The following CHMP5 variants were observed in gnomAD, a reference collection of about 807,000 sequenced individuals.
CHMP5 encodes the protein charged multivesicular body protein 5.
Under a neutral mutation model 33.0 loss-of-function variants are expected in CHMP5, and 17 were observed. The ratio of observed to expected loss-of-function variants is 0.52; its 90% CI spans 0.35 to 0.77. CHMP5 has a LOEUF of 0.77. Among genes scored for constraint, CHMP5 ranks in the 30% least tolerant of loss-of-function variants. CHMP5 has a pLI of 0.01. For missense variants in CHMP5, 216 were observed against 261.5 expected (o/e 0.83, Z 1.20); for synonymous variants, 76 against 90.2 (o/e 0.84, Z 0.89).
intron 4 of CHMP5, 104 bp downstream of exon 4, chr9:33,270,820 G>C: frequency 1.1e-6 from 1 of 938,858 alleles, no homozygotes; most frequent in Non-Finnish European, 1.7e-6. Context: ...AGTGGCTCAC[G>C]CCTGTAATCC....
intron 3 of CHMP5, among the ~76,000 whole-genome samples, chr9:33,268,536 A>G (rs1242749263): frequency 6.6e-6 from 1 of 152,214 alleles, no homozygotes; most frequent in Non-Finnish European, 1.5e-5. Flanking sequence ...AAAGATTGTC[A>G]GTGTCTCTCT....
intron 5 of CHMP5, among the ~76,000 whole-genome samples, chr9:33,275,278 C>A (rs1278491163): frequency 6.6e-6 from 1 of 152,194 alleles, no homozygotes; most frequent in African/African-American, 2.4e-5. Flanking sequence ...TGGAACCAAT[C>A]CCTTGCGTGT....
chr9:33,276,022 A>G (rs1820850469), intron 5 of CHMP5, among the ~76,000 whole-genome samples: 2 of 152,214 alleles, frequency 1.3e-5, no homozygotes, highest in African/African-American at 4.8e-5. Context: ...AAATAAATAA[A>G]TAAAGTAAAA....
intron 7 of CHMP5, among the ~76,000 whole-genome samples, chr9:33,278,688 A>G (rs1239158760): frequency 6.6e-6 from 1 of 151,268 alleles, no homozygotes; most frequent in Non-Finnish European, 1.5e-5. Context: ...TGGATTTTCT[A>G]AACTATGGAT....
intron 1 of CHMP5, 92 bp downstream of exon 1, chr9:33,265,239 A>G: frequency 8.0e-7 from 1 of 1,253,392 alleles, no homozygotes; most frequent in South Asian, 1.2e-5. Context: ...CTTCCACTTC[A>G]TTTCGGGTCC....
At chr9:33,277,837 A>ATT in intron 6 of CHMP5, 1 of 281,740 alleles carries the variant, frequency 3.5e-6, no homozygotes, top group Non-Finnish European at 6.8e-6. Flanking sequence ...AGAACCTTTC[A>ATT]TTTTTTTTCC....
chr9:33,265,981 T>G lies in CHMP5; in HGVS notation c.70-29T>G, dbSNP rs766922765. The G allele has an allele frequency of 3.2e-5, 45 of 1,422,626 alleles. No homozygotes were observed. The East Asian group carries it at 9.4e-4, about 30-fold the overall frequency. 88.1% of individuals were successfully genotyped at this position (1,422,626 alleles called of 1,614,324 possible). On this transcript the variant is annotated intron_variant, in intron 1 of 7. Coordinates refer to ENST00000223500, the MANE Select transcript of CHMP5 (RefSeq NM_016410.6). ...TCTGGAATAAGTGTATTGCAGTAAC[T>G]ACCAGTGCATTTGATATTTTCCCCT...
intron 5 of CHMP5, among the ~76,000 whole-genome samples, chr9:33,274,340 C>T (rs531991297): frequency 2.6e-5 from 4 of 152,274 alleles, no homozygotes; most frequent in African/African-American, 4.8e-5. Context: ...TCCCAGAGTG[C>T]TTGGATTACA....
In CHMP5 at chr9:33,265,164, G is replaced by A. The variant is rs1356541033; in HGVS notation, c.69+17G>A. On this transcript the variant is annotated intron_variant, in intron 1 of 7. Coordinates refer to ENST00000223500, the MANE Select transcript of CHMP5 (RefSeq NM_016410.6). The stretch of plus-strand genomic sequence containing the variant: ...ATTGGCACGGTGGGCATTTGATCAT[G>A]CATAAGTAGGCTCAGGACCTCTGAC... The A allele has an allele frequency of 6.2e-7, 1 of 1,613,452 alleles. No homozygotes were observed. The highest frequency in any genetic ancestry group is 2.2e-5 in the East Asian group (1 of 44,870).
At chr9:33,271,517 C>T (rs1419010974) in intron 5 of CHMP5, among the ~76,000 whole-genome samples, 1 of 152,178 alleles carries the variant, frequency 6.6e-6, no homozygotes, top group Non-Finnish European at 1.5e-5. Flanking sequence ...CTTTGAGTAT[C>T]CACGTAACCA....
chr9:33,270,437 C>T (rs951155317), intron 3 of CHMP5, among the ~76,000 whole-genome samples, 186 bp from the exon 4 acceptor site: 3 of 152,184 alleles, frequency 2.0e-5, no homozygotes, highest in African/African-American at 7.2e-5. Flanking sequence ...TGGAGGGACA[C>T]ATCAAATGAT....
intron 3 of CHMP5, among the ~76,000 whole-genome samples, chr9:33,270,318 A>C (rs1262333256): frequency 4.6e-5 from 7 of 152,198 alleles, no homozygotes. Flanking sequence ...GGTTTGTGTA[A>C]ATACATTGTC....
At chr9:33,267,758 A>G in intron 2 of CHMP5, 95 bp from the exon 3 acceptor site, 2 of 770,026 alleles carry the variant, frequency 2.6e-6, no homozygotes, top group Middle Eastern at 2.4e-4. Flanking sequence ...TGAAGAAGAG[A>G]GGAAGTAGGC....
chr9:33,280,676 A>T lies in CHMP5; in HGVS notation c.610-133A>T, dbSNP rs1820911288. On this transcript the variant is annotated intron_variant, in intron 7 of 7. Transcript: ENST00000223500. ...ACCTTTCATGAAAAAGCTTGTTCTC[A>T]TCTTATGACTGCGATTTTGGTTTTG... is the stretch of plus-strand genomic sequence containing the variant. 8 of 727,598 alleles carry T rather than the reference A, an allele frequency of 1.1e-5. No individual in the cohort carries two copies. The South Asian group carries it at 1.7e-4, about 16-fold the overall frequency. 45.1% of individuals were successfully genotyped at this position (727,598 alleles called of 1,614,324 possible).
chr9:33,265,813 C>A (rs1820711557), intron 1 of CHMP5, among the ~76,000 whole-genome samples, 197 bp from the exon 2 acceptor site: 1 of 152,206 alleles, frequency 6.6e-6, no homozygotes, highest in Non-Finnish European at 1.5e-5. Context: ...AGAATCGGGG[C>A]AGTGTGGCGG....
intron 3 of CHMP5, 38 bp from the exon 4 acceptor site, chr9:33,270,584 TG>T: frequency 7.0e-7 from 1 of 1,437,400 alleles, no homozygotes. Context: ...GATTTCTATC[TG>T]GTTCATATAT....
intron 3 of CHMP5, among the ~76,000 whole-genome samples, chr9:33,269,710 C>T (rs1401700692): frequency 6.6e-6 from 1 of 152,130 alleles, no homozygotes; most frequent in Admixed American, 6.6e-5. Flanking sequence ...TGCGGTGGCT[C>T]ATGCCTGTAA....
Position 33,266,096 on chromosome 9 carries a change from G to A in CHMP5, c.156G>A (p.Met52Ile), listed in dbSNP as rs1446817353. 1.2e-6 allele frequency: 2 copies of A among 1,611,862 alleles called. No homozygotes were observed. The highest frequency in any genetic ancestry group is 8.5e-7 in the Non-Finnish European group (1 of 1,178,330). ...AGTATAAGGATCAGATCAAGAAGAT[G>A]AGAGAGGGTCCTGCAAAGGTAAGGT... ...LVKYKDQIKKMREGPAKNMVK... is the reference protein window; with the variant it reads ...LVKYKDQIKKIREGPAKNMVK... Residue 52 changes from methionine (M) to isoleucine (I), a missense_variant, in exon 2 of 8, where the codon ATG becomes ATA. Met to Ile is a conservative substitution (Grantham distance 10). Transcript: ENST00000223500.
At chr9:33,274,220 C>A (rs1820827362) in intron 5 of CHMP5, among the ~76,000 whole-genome samples, 1 of 152,098 alleles carries the variant, frequency 6.6e-6, no homozygotes, top group Non-Finnish European at 1.5e-5. Flanking sequence ...AGACTACAAG[C>A]ATGCACCATG....
Sources: allele counts gnomAD v4.1 joint callset (sites outside exome capture counted in the v4.1 genomes callset), GRCh38; gene constraint gnomAD v4.1.1; transcripts MANE v1.5; gene names NCBI Gene and HGNC (gene_info 2026-07-23, HGNC 2026-07-21).